The following TAOK1 variants were observed in gnomAD, a reference collection of about 807,000 sequenced individuals.
The protein encoded by TAOK1 is serine/threonine-protein kinase TAO1.
A neutral mutation model predicts 138.3 loss-of-function variants in TAOK1; 21 were observed. The observed-to-expected ratio is 0.15, with a 90% CI of 0.11 to 0.22. The LOEUF is 0.22. Ranked by LOEUF, TAOK1 falls within the 10% of genes least tolerant of loss-of-function variation. The probability of loss-of-function intolerance (pLI) is 1.00; values close to 1 mark genes in which losing one functional copy is unlikely to be tolerated. For missense variants in TAOK1, 651 were observed against 1,227.7 expected (o/e 0.53, Z 7.02); for synonymous variants, 361 against 398.4 (o/e 0.91, Z 1.12).
At chr17:29,421,139 C>T (rs1458308609) in intron 1 of TAOK1, among the ~76,000 whole-genome samples, 1 of 151,764 alleles carries the variant, frequency 6.6e-6, no homozygotes, top group Admixed American at 6.6e-5. Flanking sequence ...CATGTTGGCC[C>T]AGATGGTCTC....
chr17:29,522,236 A>T, intron 16 of TAOK1, 44 bp from the exon 17 acceptor site: 2 of 1,599,628 alleles, frequency 1.3e-6, no homozygotes, highest in Admixed American at 3.4e-5. Flanking sequence ...TTCTGGCATT[A>T]TACAGCAGTA....
At chr17:29,542,500 C>A in intron 19 of TAOK1, 61 bp from the exon 20 acceptor site, 1 of 1,421,864 alleles carries the variant, frequency 7.0e-7, no homozygotes, top group South Asian at 1.5e-5. Context: ...ATTATTGCTT[C>A]CTTTCTTTAT....
At chr17:29,433,924 C>T (rs992736412) in intron 1 of TAOK1, among the ~76,000 whole-genome samples, 3 of 152,142 alleles carry the variant, frequency 2.0e-5, no homozygotes, top group Non-Finnish European at 2.9e-5. Context: ...GTCAGAGCTC[C>T]CTAAGAGGCC....
Position 29,451,489 on chromosome 17 carries a change from G to T in TAOK1, c.-60G>T. ...CCAACGTGACTTCATTCATACAGAT[G>T]AACCAAGGATCGGGATAGCAGTATA... On this transcript the variant is annotated 5_prime_UTR_variant, in exon 2 of 20. An upstream start codon of the reference 5' UTR is lost. Transcript: ENST00000261716. 1 of 1,514,042 alleles carries T rather than the reference G, an allele frequency of 6.6e-7. No homozygotes were observed. Among genetic ancestry groups the T allele is most frequent in the South Asian group, 1.3e-5 (1 of 76,186 alleles). The allele number at this position is 1,514,042 out of a possible 1,614,324, so 93.8% of individuals were successfully genotyped here. A position where few individuals can be genotyped will look rare whatever the true frequency, so the allele number is the denominator to read the frequency against.
chr17:29,511,160 AGTCAT>A, intron 15 of TAOK1, 168 bp downstream of exon 15: 2 of 425,466 alleles, frequency 4.7e-6, no homozygotes, highest in Non-Finnish European at 8.2e-6. Context: ...CCCTTAACTG[AGTCAT>A]TTAGTTGAGT....
intron 1 of TAOK1, among the ~76,000 whole-genome samples, chr17:29,418,946 T>TA (rs1905342602): frequency 8.5e-6 from 1 of 117,286 alleles, no homozygotes; most frequent in Admixed American, 8.7e-5. Flanking sequence ...TTTTTTTTTT[T>TA]TATGTATGTT....
chr17:29,523,893 G>C (rs1014184678), intron 17 of TAOK1, among the ~76,000 whole-genome samples: 1 of 152,078 alleles, frequency 6.6e-6, no homozygotes, highest in African/African-American at 2.4e-5. Flanking sequence ...AATGGTTCTT[G>C]GTTTTACTCT....
chr17:29,458,845 C>T (rs1461944487), intron 2 of TAOK1, among the ~76,000 whole-genome samples: 1 of 152,148 alleles, frequency 6.6e-6, no homozygotes, highest in African/African-American at 2.4e-5. Context: ...TAGGCGTGCG[C>T]CACCACGCCC....
At chr17:29,447,091 T>G (rs2030100835) in intron 1 of TAOK1, among the ~76,000 whole-genome samples, 1 of 148,592 alleles carries the variant, frequency 6.7e-6, no homozygotes, top group African/African-American at 2.5e-5. Flanking sequence ...CAGGCTGGAG[T>G]GCAGTGACTA....
intron 1 of TAOK1, among the ~76,000 whole-genome samples, chr17:29,405,267 C>T (rs957537799): frequency 2.4e-4 from 37 of 152,076 alleles, no homozygotes; most frequent in African/African-American, 6.5e-4. Context: ...GGATTACAGG[C>T]GTGAGCCACC....
chr17:29,465,837 C>CTTTTTTTTTTTTCTTTTTT (rs2030651399), intron 2 of TAOK1, among the ~76,000 whole-genome samples: 1 of 45,434 alleles, frequency 2.2e-5, no homozygotes, highest in African/African-American at 1.1e-4. Context: ...AGTTTCTGTG[C>CTTTTTTTTTTTTCTTTTTT]TTTTTTTTTT....
chr17:29,408,958 C>G (rs749719398), intron 1 of TAOK1, among the ~76,000 whole-genome samples: 5 of 151,892 alleles, frequency 3.3e-5, no homozygotes, highest in South Asian at 2.1e-4. Context: ...GGCAGTCCAC[C>G]CGCCTCAGCC....
chr17:29,408,073 A>G (rs575247051), intron 1 of TAOK1, among the ~76,000 whole-genome samples: 5 of 152,040 alleles, frequency 3.3e-5, no homozygotes, highest in Admixed American at 1.3e-4. Context: ...ATTCTGTGCC[A>G]GGATACAGAA....
At position 29,478,320 on chromosome 17, in the gene TAOK1, A is replaced by G; in HGVS notation, c.422A>G (p.Tyr141Cys). The stretch of plus-strand genomic sequence containing the variant: ...CATGGTGCTCTTCAGGGATTAGCCT[A>G]CTTACATTCTCATACTATGATTCAT... ...ITHGALQGLA[Y>C]LHSHTMIHRD... Residue 141 changes from tyrosine (Y) to cysteine (C), a missense_variant, in exon 6 of 20, where the codon TAC becomes TGC. Tyr to Cys is a radical substitution (Grantham distance 194). Coordinates refer to ENST00000261716, the MANE Select transcript of TAOK1 (RefSeq NM_020791.4). 1 of 1,600,556 alleles carries G rather than the reference A, an allele frequency of 6.2e-7. No individual in the cohort carries two copies. The highest frequency in any genetic ancestry group is 8.5e-7 in the Non-Finnish European group (1 of 1,174,788).
chr17:29,430,349 A>C (rs1205874297), intron 1 of TAOK1, among the ~76,000 whole-genome samples: 6 of 152,202 alleles, frequency 3.9e-5, no homozygotes. Flanking sequence ...GTAGCCTGCA[A>C]TCAGTCTGAT....
At chr17:29,392,215 C>G (rs552393242) in intron 1 of TAOK1, among the ~76,000 whole-genome samples, 6 of 146,356 alleles carry the variant, frequency 4.1e-5, no homozygotes, top group Non-Finnish European at 9.0e-5. Context: ...GACTCCGTTT[C>G]AAAAAAAAAA....
Position 29,464,058 on chromosome 17 carries a change from C to T in TAOK1, c.133-3087C>T, listed in dbSNP as rs77246946. ...ATATGATTACATTTGTATGAAATGTCCAGAATGGGCAAATCTCTAGGGACA... is the reference window on the plus strand; with the variant it reads ...ATATGATTACATTTGTATGAAATGTTCAGAATGGGCAAATCTCTAGGGACA... On this transcript the variant is annotated intron_variant, in intron 2 of 19. Coordinates refer to ENST00000261716, the MANE Select transcript of TAOK1 (RefSeq NM_020791.4). 3.3e-4 allele frequency among the ~76,000 whole-genome samples: 50 copies of T among 152,084 alleles called. No individual in the cohort carries two copies. The East Asian group carries it at 7.3e-3, about 22-fold the overall frequency.
intron 1 of TAOK1, among the ~76,000 whole-genome samples, chr17:29,408,768 A>C (rs1286167314): frequency 6.6e-6 from 1 of 151,566 alleles, no homozygotes; most frequent in Non-Finnish European, 1.5e-5. Context: ...GCTGGAATGC[A>C]GTGGCACAGT....
At chr17:29,509,685 G>A (rs1415298854) in intron 14 of TAOK1, among the ~76,000 whole-genome samples, 1 of 151,586 alleles carries the variant, frequency 6.6e-6, no homozygotes, top group Admixed American at 6.6e-5. Context: ...CTTGAGCCCA[G>A]GAGTTCAAGA....
Sources: gnomAD v4.1 joint callset for allele counts (sites outside exome capture counted in the v4.1 genomes callset) on GRCh38, gnomAD v4.1.1 for gene constraint, MANE v1.5 for transcripts, NCBI Gene and HGNC (gene_info 2026-07-23, HGNC 2026-07-21) for gene names.